ANO10: variants seen among roughly 807,000 people sequenced by gnomAD.
The protein encoded by ANO10 is anoctamin 10.
Under a neutral mutation model 74.7 loss-of-function variants are expected in ANO10, and 77 were observed. That is an observed-to-expected ratio of 1.03 (90% confidence interval 0.86 to 1.25). The LOEUF is 1.25. Ranked by LOEUF, ANO10 falls within the 50% of genes most tolerant of loss-of-function variation. ANO10 has a pLI of 0.00. For missense variants in ANO10, 721 were observed against 778.1 expected (o/e 0.93, Z 0.87); for synonymous variants, 279 against 284.9 (o/e 0.98, Z 0.21).
chr3:43,566,952 C>G (rs1355454735), intron 7 of ANO10, among the ~76,000 whole-genome samples: 3 of 152,032 alleles, frequency 2.0e-5, no homozygotes, highest in Non-Finnish European at 2.9e-5. Context: ...TCAGAAGAAT[C>G]TATAACTAGA....
intron 5 of ANO10, among the ~76,000 whole-genome samples, chr3:43,578,341 T>C (rs778236557): frequency 1.3e-5 from 2 of 152,072 alleles, no homozygotes; most frequent in Non-Finnish European, 2.9e-5. Context: ...AGCCTCAAGA[T>C]CCACCTATGT....
chr3:43,580,134 C>A (rs2081196979), intron 5 of ANO10, among the ~76,000 whole-genome samples: 1 of 147,598 alleles, frequency 6.8e-6, no homozygotes, highest in African/African-American at 2.5e-5. Context: ...CATAGTGAGA[C>A]CCTATCTCAA....
At chr3:43,460,320 T>C (rs1368144277) in intron 11 of ANO10, among the ~76,000 whole-genome samples, 1 of 152,198 alleles carries the variant, frequency 6.6e-6, no homozygotes, top group Non-Finnish European at 1.5e-5. Context: ...TGGAAGTTCA[T>C]CTCTCCCTAT....
chr3:43,610,161 T>G lies in ANO10; in HGVS notation c.-11-4298A>C, dbSNP rs2082746670. ...ATTTTTTAAACTTTTTTTTAAAAACTAAGACACAAATACATTAACCTAGAT... is the reference window on the plus strand; with the variant it reads ...ATTTTTTAAACTTTTTTTTAAAAACGAAGACACAAATACATTAACCTAGAT... On this transcript the variant is annotated intron_variant, in intron 1 of 12. Transcript: ENST00000292246. Among the ~76,000 whole-genome samples, 3 of 147,870 alleles carry G rather than the reference T, an allele frequency of 2.0e-5. No individual in the cohort carries two copies. The South Asian group carries it at 6.5e-4, about 32-fold the overall frequency.
intron 11 of ANO10, among the ~76,000 whole-genome samples, chr3:43,434,489 C>T (rs187318317): frequency 6.6e-6 from 1 of 152,250 alleles, no homozygotes; most frequent in East Asian, 1.9e-4. Context: ...AAGAAGTACA[C>T]AAATTAGTAG....
intron 12 of ANO10, among the ~76,000 whole-genome samples, chr3:43,429,924 A>C (rs766547700): frequency 6.6e-6 from 1 of 152,150 alleles, no homozygotes; most frequent in Non-Finnish European, 1.5e-5. Context: ...TTGGTGTTGG[A>C]GAGTAATTGA....
intron 12 of ANO10, among the ~76,000 whole-genome samples, chr3:43,382,923 T>C (rs894894971): frequency 2.0e-5 from 3 of 152,172 alleles, no homozygotes; most frequent in African/African-American, 7.2e-5. Flanking sequence ...ACTAGATGGA[T>C]TCACAGCTGA....
chr3:43,615,332 A>T (rs187421573), intron 1 of ANO10, among the ~76,000 whole-genome samples: 1 of 151,370 alleles, frequency 6.6e-6, no homozygotes, highest in Non-Finnish European at 1.5e-5. Flanking sequence ...CAAAGTCCAC[A>T]TCCTGAAGCA....
At chr3:43,557,349 A>C (rs970847087) in intron 9 of ANO10, among the ~76,000 whole-genome samples, 1 of 152,196 alleles carries the variant, frequency 6.6e-6, no homozygotes, top group Non-Finnish European at 1.5e-5. Context: ...AATTCCTTGA[A>C]AAACGGCAAG....
intron 11 of ANO10, among the ~76,000 whole-genome samples, chr3:43,470,883 TC>T: frequency 6.6e-6 from 1 of 152,102 alleles, no homozygotes; most frequent in Non-Finnish European, 1.5e-5. Flanking sequence ...TGCCTCTGAT[TC>T]CCAAAGTGCT....
chr3:43,677,333 G>A (rs1178239108), intron 1 of ANO10, among the ~76,000 whole-genome samples: 1 of 152,204 alleles, frequency 6.6e-6, no homozygotes, highest in East Asian at 1.9e-4. Context: ...CAGATCTCCT[G>A]AGGTCAGGAG....
intron 12 of ANO10, among the ~76,000 whole-genome samples, chr3:43,380,375 T>C (rs951468589): frequency 6.6e-6 from 1 of 152,126 alleles, no homozygotes; most frequent in Non-Finnish European, 1.5e-5. Context: ...CTTAGGGACA[T>C]AGTCATCAGG....
At chr3:43,577,593 T>C (rs879225693) in intron 5 of ANO10, among the ~76,000 whole-genome samples, 1 of 152,228 alleles carries the variant, frequency 6.6e-6, no homozygotes, top group African/African-American at 2.4e-5. Context: ...AAGGTCCTAA[T>C]TTAAGTTCAG....
chr3:43,450,914 T>C (rs2074837284), intron 11 of ANO10, among the ~76,000 whole-genome samples: 2 of 152,198 alleles, frequency 1.3e-5, no homozygotes, highest in South Asian at 4.1e-4. Flanking sequence ...TATAAATGGA[T>C]TAGGTATCTG....
At chr3:43,658,854 T>G (rs2083887581) in intron 1 of ANO10, among the ~76,000 whole-genome samples, 1 of 152,146 alleles carries the variant, frequency 6.6e-6, no homozygotes, top group Admixed American at 6.6e-5. Flanking sequence ...AGTAGTTAAC[T>G]TTAGAGAGGT....
intron 11 of ANO10, among the ~76,000 whole-genome samples, chr3:43,448,681 T>A (rs1008239479): frequency 6.6e-6 from 1 of 152,196 alleles, no homozygotes; most frequent in Non-Finnish European, 1.5e-5. Context: ...TGTATGGACA[T>A]AAGTTTTCAA....
chr3:43,614,784 T>TATATATATATATATATA (rs1553741811), intron 1 of ANO10, among the ~76,000 whole-genome samples: 65 of 128,632 alleles, frequency 5.1e-4, no homozygotes, highest in African/African-American at 1.7e-3. Context: ...TATATATATA[T>TATATATATATATATATA]ATATATATAT....
intron 11 of ANO10, among the ~76,000 whole-genome samples, chr3:43,497,421 G>C (rs895967724): frequency 1.3e-5 from 2 of 152,162 alleles, no homozygotes; most frequent in Non-Finnish European, 1.5e-5. Context: ...CTTTCTTTGG[G>C]AGAACTGTCT....
chr3:43,453,012 C>A (rs2074947572), intron 11 of ANO10, among the ~76,000 whole-genome samples: 1 of 152,058 alleles, frequency 6.6e-6, no homozygotes, highest in Admixed American at 6.6e-5. Flanking sequence ...GATCCTTTGC[C>A]CATTTTTTAA....
Sources: gnomAD v4.1 joint callset for allele counts (sites outside exome capture counted in the v4.1 genomes callset) on GRCh38, gnomAD v4.1.1 for gene constraint, MANE v1.5 for transcripts, NCBI Gene and HGNC (gene_info 2026-07-23, HGNC 2026-07-21) for gene names.